The following KIFAP3 variants were observed in gnomAD, a reference collection of about 807,000 sequenced individuals.
KIFAP3 encodes kinesin-associated protein 3.
Under a neutral mutation model 106.5 loss-of-function variants are expected in KIFAP3, and 68 were observed. The observed-to-expected ratio is 0.64, with a 90% CI of 0.53 to 0.78. The LOEUF is 0.78. KIFAP3 is among the 30% of genes least tolerant of loss of function. The pLI is 0.00. For synonymous variants in KIFAP3, 320 were observed against 311.5 expected, an observed-to-expected ratio of 1.03 and a Z score of -0.29; for missense variants, 780 against 941.8, an observed-to-expected ratio of 0.83 and a Z score of 2.25.
intron 11 of KIFAP3, among the ~76,000 whole-genome samples, chr1:169,990,614 T>C (rs1392914306): frequency 1.3e-5 from 2 of 152,072 alleles, no homozygotes; most frequent in South Asian, 2.1e-4. Context: ...TAGTGGAAGG[T>C]AGTTTAATAA....
chr1:170,010,176 A>C (rs1668174811), intron 10 of KIFAP3, among the ~76,000 whole-genome samples: 1 of 152,170 alleles, frequency 6.6e-6, no homozygotes, highest in South Asian at 2.1e-4. Context: ...ATAAGAAACG[A>C]ATAAATTTGG....
At position 170,009,994 on chromosome 1, in the gene KIFAP3, G is replaced by T. The variant is rs114924931; in HGVS notation, c.1183+6468C>A. Among the ~76,000 whole-genome samples the T allele has an allele frequency of 8.4e-3, 1,277 of 152,178 alleles. 21 individuals carry two copies. The highest frequency in any genetic ancestry group is 0.028 in the African/African-American group (1,161 of 41,540). On this transcript the variant is annotated intron_variant, in intron 10 of 19. Coordinates refer to ENST00000361580, the MANE Select transcript of KIFAP3 (RefSeq NM_014970.4). Reference sequence around the variant, plus strand: ...CAATTTGCAGATAATCACATTTGCTGAAGCCAATGGCTATGATAGATCTCC... The same window carrying T: ...CAATTTGCAGATAATCACATTTGCTTAAGCCAATGGCTATGATAGATCTCC...
At chr1:169,977,951 T>C in intron 16 of KIFAP3, 134 bp downstream of exon 16, 1 of 660,408 alleles carries the variant, frequency 1.5e-6, no homozygotes, top group Non-Finnish European at 2.7e-6. Context: ...GAAAATAGGT[T>C]ATCTTGTAAA....
intron 1 of KIFAP3, among the ~76,000 whole-genome samples, chr1:170,060,351 T>C (rs1444695410): frequency 6.6e-6 from 1 of 152,056 alleles, no homozygotes; most frequent in African/African-American, 2.4e-5. Flanking sequence ...ATCACAGGCG[T>C]TCCTATACAC....
At chr1:170,009,072 A>C (rs115198027) in intron 10 of KIFAP3, among the ~76,000 whole-genome samples, 7 of 152,156 alleles carry the variant, frequency 4.6e-5, no homozygotes, top group Non-Finnish European at 8.8e-5. Flanking sequence ...GAACACTGAG[A>C]ACACATGGAC....
chr1:169,949,305 A>ATGCAT (rs1664610235), intron 19 of KIFAP3, among the ~76,000 whole-genome samples: 1 of 152,088 alleles, frequency 6.6e-6, no homozygotes, highest in African/African-American at 2.4e-5. Flanking sequence ...GGCTCAGATA[A>ATGCAT]TGCATACATC....
chr1:169,955,308 CTGTTTT>C (rs1019024294), intron 18 of KIFAP3, among the ~76,000 whole-genome samples: 2 of 152,146 alleles, frequency 1.3e-5, no homozygotes, highest in African/African-American at 4.8e-5. Flanking sequence ...TACATAACCT[CTGTTTT>C]TAAGAATTTT....
chr1:170,068,956 CAACA>C, intron 1 of KIFAP3: 1 of 151,670 alleles, frequency 6.6e-6, no homozygotes, highest in South Asian at 2.1e-4. Context: ...TTGAAAAGAT[CAACA>C]AACATTTTTG....
chr1:170,073,599 G>A (rs1028303641), intron 1 of KIFAP3, among the ~76,000 whole-genome samples: 11 of 152,142 alleles, frequency 7.2e-5, no homozygotes, highest in African/African-American at 2.4e-4. Flanking sequence ...TGAGGAAACC[G>A]TGCCCAAAGG....
chr1:169,934,731 G>C (rs2101794666), intron 19 of KIFAP3, among the ~76,000 whole-genome samples: 1 of 152,204 alleles, frequency 6.6e-6, no homozygotes, highest in South Asian at 2.1e-4. Context: ...ACATTTTTGA[G>C]ATTATCTGGG....
At chr1:170,032,697 A>G (rs1669477996) in intron 7 of KIFAP3, among the ~76,000 whole-genome samples, 1 of 151,706 alleles carries the variant, frequency 6.6e-6, no homozygotes. Flanking sequence ...ACATAATAAA[A>G]TAGCAACATG....
At chr1:169,939,803 A>G (rs1664007593) in intron 19 of KIFAP3, among the ~76,000 whole-genome samples, 1 of 152,236 alleles carries the variant, frequency 6.6e-6, no homozygotes, top group African/African-American at 2.4e-5. Flanking sequence ...GGCCTGGTCA[A>G]CTGTGTCAAA....
intron 11 of KIFAP3, among the ~76,000 whole-genome samples, chr1:169,985,683 A>G (rs961325344): frequency 3.8e-4 from 58 of 152,056 alleles, no homozygotes; most frequent in African/African-American, 1.4e-3. Flanking sequence ...GTATAATTTT[A>G]GGAACTGGCA....
At chr1:170,050,069 C>T (rs1418535210) in intron 2 of KIFAP3, among the ~76,000 whole-genome samples, 1 of 151,892 alleles carries the variant, frequency 6.6e-6, no homozygotes. Flanking sequence ...ATGTTCTAAC[C>T]CAATGCAAGG....
At chr1:170,071,241 C>G (rs919681288) in intron 1 of KIFAP3, among the ~76,000 whole-genome samples, 2 of 152,128 alleles carry the variant, frequency 1.3e-5, no homozygotes, top group Non-Finnish European at 2.9e-5. Context: ...TAGGTATACA[C>G]CAAAAGATAC....
chr1:170,014,601 T>C (rs887426197), intron 10 of KIFAP3, among the ~76,000 whole-genome samples: 2 of 152,186 alleles, frequency 1.3e-5, no homozygotes, highest in African/African-American at 4.8e-5. Context: ...TTGAAAAACA[T>C]TTCTCTATAG....
At chr1:170,038,886 A>G (rs922452533) in intron 4 of KIFAP3, among the ~76,000 whole-genome samples, 1 of 152,070 alleles carries the variant, frequency 6.6e-6, no homozygotes, top group African/African-American at 2.4e-5. Context: ...AGTTTGAGAC[A>G]AGCCTGACCA....
At chr1:169,947,407 T>C (rs1214964549) in intron 19 of KIFAP3, among the ~76,000 whole-genome samples, 1 of 151,922 alleles carries the variant, frequency 6.6e-6, no homozygotes, top group Non-Finnish European at 1.5e-5. Flanking sequence ...GTTTAAATCA[T>C]GACTTAAAAT....
chr1:170,023,309 C>T (rs1340028640), intron 9 of KIFAP3, among the ~76,000 whole-genome samples: 1 of 151,816 alleles, frequency 6.6e-6, no homozygotes, highest in Non-Finnish European at 1.5e-5. Flanking sequence ...TTTCAAAGGG[C>T]CTGCCATATC....
Sources: allele counts gnomAD v4.1 joint callset (sites outside exome capture counted in the v4.1 genomes callset), GRCh38; gene constraint gnomAD v4.1.1; transcripts MANE v1.5; gene names NCBI Gene and HGNC (gene_info 2026-07-23, HGNC 2026-07-21).